The following ATRX variants were observed in gnomAD, a reference collection of about 807,000 sequenced individuals.
ATRX encodes the protein chromatin remodeler ATRX.
Under a neutral mutation model 172.6 loss-of-function variants are expected in ATRX, and 12 were observed. That is an observed-to-expected ratio of 0.07 (90% CI 0.04 to 0.11). The LOEUF (loss-of-function observed/expected upper bound fraction) is 0.11. ATRX is among the 10% of genes least tolerant of loss of function. The pLI, the probability that ATRX is intolerant of heterozygous loss-of-function variation, is 1.00. For synonymous variants in ATRX, 674 were observed against 594.7 expected, an observed-to-expected ratio of 1.13 and a Z score of -1.94; for missense variants, 1,368 against 1,767.4, an observed-to-expected ratio of 0.77 and a Z score of 4.05.
chrX:77,628,875 T>G (rs1242884691), intron 19 of ATRX, among the ~76,000 whole-genome samples: 1 of 112,200 alleles, frequency 8.9e-6, no homozygotes, highest in Non-Finnish European at 1.9e-5. Flanking sequence ...TCCCAAAGTA[T>G]TGTTATTACA....
intron 10 of ATRX, among the ~76,000 whole-genome samples, chrX:77,667,042 T>G (rs1205917863): frequency 9.1e-6 from 1 of 109,712 alleles, no homozygotes; most frequent in Non-Finnish European, 1.9e-5. Context: ...TAATATTCAG[T>G]GAAAAAGTAA....
intron 5 of ATRX, 57 bp from the exon 6 acceptor site, chrX:77,693,994 A>T: frequency 3.2e-6 from 3 of 926,837 alleles, no homozygotes; most frequent in Non-Finnish European, 4.7e-6. Flanking sequence ...AGTGAAGTAC[A>T]AGACTTCAGT....
At chrX:77,633,505 A>G in intron 18 of ATRX, 61 bp downstream of exon 18, 1 of 1,124,822 alleles carries the variant, frequency 8.9e-7, no homozygotes, top group Non-Finnish European at 1.2e-6. Context: ...AATTAAAAAT[A>G]GTTTACTATA....
intron 5 of ATRX, among the ~76,000 whole-genome samples, chrX:77,695,603 A>G (rs2072143821): frequency 1.8e-5 from 2 of 111,410 alleles, no homozygotes; most frequent in Non-Finnish European, 3.8e-5. Flanking sequence ...CACCAAAACC[A>G]TTACATAAAA....
chrX:77,521,680 T>C (rs1287491827), intron 32 of ATRX, 182 bp from the exon 33 acceptor site: 1 of 368,011 alleles, frequency 2.7e-6, no homozygotes, highest in African/African-American at 2.6e-5. Flanking sequence ...CAAAGAGTCT[T>C]GTTAGGAAGA....
At chrX:77,551,923 C>CT (rs2064545416) in intron 30 of ATRX, among the ~76,000 whole-genome samples, 1 of 111,661 alleles carries the variant, frequency 9.0e-6, no homozygotes, top group Non-Finnish European at 1.9e-5. Context: ...CAATGAGATA[C>CT]CATCTCATAC....
intron 22 of ATRX, chrX:77,600,828 T>C: frequency 3.9e-6 from 1 of 259,077 alleles, no homozygotes; most frequent in Non-Finnish European, 6.9e-6. Flanking sequence ...TAACAAAATA[T>C]GCACAGGTTT....
At chrX:77,647,812 TA>T (rs2068994536) in intron 15 of ATRX, among the ~76,000 whole-genome samples, 1 of 110,935 alleles carries the variant, frequency 9.0e-6, no homozygotes. Context: ...TACTGATAGA[TA>T]AAGATTAGTA....
chrX:77,602,052 G>A (rs1303082074), intron 22 of ATRX, among the ~76,000 whole-genome samples: 1 of 111,773 alleles, frequency 8.9e-6, no homozygotes, highest in South Asian at 3.7e-4. Flanking sequence ...CACCCAGGCT[G>A]GAGTGCAGTG....
intron 19 of ATRX, among the ~76,000 whole-genome samples, chrX:77,624,404 G>A (rs1466592779): frequency 9.0e-6 from 1 of 110,921 alleles, no homozygotes; most frequent in Non-Finnish European, 1.9e-5. Flanking sequence ...GAAATAAAGG[G>A]AATCCAAATC....
At chrX:77,537,157 C>T (rs1557048640) in intron 30 of ATRX, among the ~76,000 whole-genome samples, 1 of 111,876 alleles carries the variant, frequency 8.9e-6, no homozygotes, top group African/African-American at 3.2e-5. Flanking sequence ...AGATTTTAAT[C>T]CTAGTTCCAC....
chrX:77,780,147 C>T (rs2076518128), intron 1 of ATRX, among the ~76,000 whole-genome samples: 1 of 111,543 alleles, frequency 9.0e-6, no homozygotes, highest in Non-Finnish European at 1.9e-5. Flanking sequence ...ACCAGGTATA[C>T]ATGATACTAT....
intron 27 of ATRX, among the ~76,000 whole-genome samples, chrX:77,576,412 T>C (rs2065619868): frequency 9.0e-6 from 1 of 110,847 alleles, no homozygotes; most frequent in Admixed American, 9.7e-5. Context: ...ACATATATAC[T>C]ACACATATAT....
chrX:77,704,800 G>A (rs1411292664), intron 2 of ATRX, among the ~76,000 whole-genome samples: 6 of 112,229 alleles, frequency 5.3e-5, no homozygotes, highest in African/African-American at 1.9e-4. Context: ...GCAGGGTGAA[G>A]CCAGGCAGCA....
intron 27 of ATRX, among the ~76,000 whole-genome samples, chrX:77,588,522 T>C (rs1557078485): frequency 8.9e-6 from 1 of 111,808 alleles, no homozygotes; most frequent in Non-Finnish European, 1.9e-5. Context: ...ATCCCAGCAC[T>C]TTGGGAGGCC....
At chrX:77,511,633 A>G (rs781875204) in intron 34 of ATRX, among the ~76,000 whole-genome samples, 1 of 112,049 alleles carries the variant, frequency 8.9e-6, no homozygotes, top group Admixed American at 9.5e-5. Flanking sequence ...ATTTAAAAGA[A>G]TCAAGCAGAA....
intron 2 of ATRX, among the ~76,000 whole-genome samples, chrX:77,715,230 C>A (rs1344011271): frequency 1.8e-5 from 2 of 111,799 alleles, no homozygotes; most frequent in Non-Finnish European, 3.8e-5. Flanking sequence ...TCGGTGGTCC[C>A]ATAAGATTAT....
At chrX:77,659,091 A>T (rs782604005) in intron 12 of ATRX, among the ~76,000 whole-genome samples, 2 of 111,605 alleles carry the variant, frequency 1.8e-5, no homozygotes, top group South Asian at 7.5e-4. Flanking sequence ...ATGGTTAAAG[A>T]GATTCCATTT....
At chrX:77,770,608 T>C (rs1169770219) in intron 1 of ATRX, among the ~76,000 whole-genome samples, 3 of 111,733 alleles carry the variant, frequency 2.7e-5, no homozygotes, top group African/African-American at 9.7e-5. Flanking sequence ...CAAATAGAGA[T>C]ACATTCTAAA....
Sources: gnomAD v4.1 joint callset for allele counts (sites outside exome capture counted in the v4.1 genomes callset) on GRCh38, gnomAD v4.1.1 for gene constraint, MANE v1.5 for transcripts, NCBI Gene and HGNC (gene_info 2026-07-23, HGNC 2026-07-21) for gene names.